THEMIS: variants seen among roughly 807,000 people sequenced by gnomAD.
THEMIS encodes the protein protein THEMIS.
THEMIS carries 37 observed loss-of-function variants against 52.6 expected under a neutral mutation model. The observed-to-expected ratio is 0.70, with a 90% CI of 0.54 to 0.93. THEMIS has a LOEUF of 0.93. Ranked by LOEUF, THEMIS falls within the 40% of genes least tolerant of loss-of-function variation. The pLI, the probability that THEMIS is intolerant of heterozygous loss-of-function variation, is 0.00. For synonymous variants in THEMIS, 292 were observed against 272.7 expected (o/e 1.07, Z -0.70); for missense variants, 808 against 763.1 (o/e 1.06, Z -0.69).
At chr6:127,904,638 C>T (rs1036964818), upstream of THEMIS, among the ~76,000 whole-genome samples, 1 of 151,672 alleles carries the variant, frequency 6.6e-6, no homozygotes, top group African/African-American at 2.4e-5. Context: ...AATGGGAATG[C>T]CAGAAGACAG....
At chr6:127,847,975 G>A (rs1583347431) in intron 2 of THEMIS, among the ~76,000 whole-genome samples, 1 of 150,462 alleles carries the variant, frequency 6.6e-6, no homozygotes, top group South Asian at 2.1e-4. Flanking sequence ...TGTGCAGGTT[G>A]GTTACATATG....
At position 127,738,405 on chromosome 6, in the gene THEMIS, T is replaced by C. The variant is rs958549999; in HGVS notation, c.1759-18582A>G. 9.9e-5 allele frequency among the ~76,000 whole-genome samples: 15 copies of C among 152,248 alleles called. 2 individuals are homozygous for C. The South Asian group carries it at 3.1e-3, about 32-fold the overall frequency. ...AAAGCAACATGGAAAGGCCTTAGTG[T>C]GGTTTAGGGCAGTTGAAACTGAGAA... On this transcript the variant is annotated intron_variant, in intron 4 of 5. Coordinates refer to ENST00000368248, the MANE Select transcript of THEMIS (RefSeq NM_001010923.3).
chr6:127,912,942 C>T (rs1781443776), intron 1 of THEMIS, among the ~76,000 whole-genome samples: 1 of 152,198 alleles, frequency 6.6e-6, no homozygotes, highest in African/African-American at 2.4e-5. Context: ...AATGCTTCTA[C>T]CATGAATCTT....
chr6:127,772,274 T>C (rs942575053), intron 4 of THEMIS, among the ~76,000 whole-genome samples: 1 of 152,044 alleles, frequency 6.6e-6, no homozygotes, highest in Admixed American at 6.6e-5. Flanking sequence ...CACAAGATAA[T>C]TATTTTTCTC....
At chr6:127,796,909 C>G (rs1777349373) in intron 4 of THEMIS, among the ~76,000 whole-genome samples, 1 of 152,200 alleles carries the variant, frequency 6.6e-6, no homozygotes, top group East Asian at 1.9e-4. Flanking sequence ...TATTCTAACT[C>G]TGCATAAAAT....
chr6:127,736,080 T>C (rs1029655200), intron 4 of THEMIS, among the ~76,000 whole-genome samples: 2 of 152,218 alleles, frequency 1.3e-5, no homozygotes, highest in African/African-American at 4.8e-5. Flanking sequence ...TGGTGAATTG[T>C]AGGGAGTGAA....
chr6:127,761,525 G>T (rs1776021270), intron 4 of THEMIS, among the ~76,000 whole-genome samples: 1 of 152,086 alleles, frequency 6.6e-6, no homozygotes, highest in South Asian at 2.1e-4. Context: ...CCCAGGGGTG[G>T]AGATTTAAAC....
At chr6:127,835,789 G>A (rs1451432933) in intron 2 of THEMIS, among the ~76,000 whole-genome samples, 1 of 152,170 alleles carries the variant, frequency 6.6e-6, no homozygotes, top group East Asian at 1.9e-4. Context: ...TCACCAGCAT[G>A]TTTGAATATG....
rs1165008857 is a variant in THEMIS at position 127,812,874 on chromosome 6, T to C, written c.1758+9A>G. 1.3e-6 allele frequency: 2 copies of C among 1,573,468 alleles called. No homozygotes were observed. The highest frequency in any genetic ancestry group is 1.4e-5 in the African/African-American group (1 of 73,540). Reference sequence around the variant, plus strand: ...CTCCAGAGAAAACATTGCAAAACCATAGCCTTACCTTGGGAGACTTGGGCA... The same window carrying C: ...CTCCAGAGAAAACATTGCAAAACCACAGCCTTACCTTGGGAGACTTGGGCA... On this transcript the variant is annotated intron_variant, in intron 4 of 5. Transcript: ENST00000368248.
intron 3 of THEMIS, among the ~76,000 whole-genome samples, chr6:127,816,261 C>T (rs1778130439): frequency 6.6e-6 from 1 of 151,296 alleles, no homozygotes; most frequent in African/African-American, 2.4e-5. Context: ...TGTCTTGGTT[C>T]TCTTTTTCCC....
At chr6:127,854,987 C>T in intron 2 of THEMIS, 43 bp downstream of exon 2, 1 of 1,536,388 alleles carries the variant, frequency 6.5e-7, no homozygotes, top group Non-Finnish European at 8.7e-7. Context: ...ATATTAATAA[C>T]AATATAGTTG....
chr6:127,872,498 G>A (rs1444350176), intron 1 of THEMIS, among the ~76,000 whole-genome samples: 2 of 152,020 alleles, frequency 1.3e-5, no homozygotes, highest in Admixed American at 6.6e-5. Context: ...GTAAGCAGAG[G>A]TTGCAGTGAG....
chr6:127,733,319 T>G (rs993194034), intron 4 of THEMIS, among the ~76,000 whole-genome samples: 2 of 152,228 alleles, frequency 1.3e-5, no homozygotes, highest in Admixed American at 6.5e-5. Flanking sequence ...TTCCTTAATG[T>G]TGTTTCTAGT....
intron 4 of THEMIS, among the ~76,000 whole-genome samples, chr6:127,800,633 C>T (rs1490424753): frequency 6.6e-6 from 1 of 152,188 alleles, no homozygotes; most frequent in Admixed American, 6.5e-5. Flanking sequence ...ACGTTTGAGT[C>T]AGTGGGCTGG....
chr6:127,900,736 T>G (rs1781110860), intron 1 of THEMIS, 106 bp downstream of exon 1: 1 of 958,740 alleles, frequency 1.0e-6, no homozygotes. Context: ...CGCCTTTCCT[T>G]TACCAGAACT....
At chr6:127,853,567 G>C (rs183992207) in intron 2 of THEMIS, among the ~76,000 whole-genome samples, 6 of 151,602 alleles carry the variant, frequency 4.0e-5, no homozygotes, top group Non-Finnish European at 8.9e-5. Context: ...CTGAATACTA[G>C]AGCACTTGAA....
chr6:127,918,477 T>C (rs1781571214), exon 1 of THEMIS: 1 of 152,220 alleles, frequency 6.6e-6, no homozygotes, highest in Admixed American at 6.5e-5. Flanking sequence ...GTAAGAGCAC[T>C]GGAGCATCCC....
chr6:127,732,567 C>T (rs1291824179), intron 4 of THEMIS, among the ~76,000 whole-genome samples: 2 of 152,158 alleles, frequency 1.3e-5, no homozygotes, highest in Non-Finnish European at 2.9e-5. Flanking sequence ...CAGTGCCTTT[C>T]CCCCAAAGCT....
intron 3 of THEMIS, among the ~76,000 whole-genome samples, chr6:127,814,488 A>G (rs1291769157): frequency 1.3e-5 from 2 of 152,196 alleles, no homozygotes; most frequent in African/African-American, 4.8e-5. Context: ...CAATATTGCA[A>G]AATCCTAAGA....
Sources: gnomAD v4.1 joint callset for allele counts (sites outside exome capture counted in the v4.1 genomes callset) on GRCh38, gnomAD v4.1.1 for gene constraint, MANE v1.5 for transcripts, NCBI Gene and HGNC (gene_info 2026-07-23, HGNC 2026-07-21) for gene names.